ATAD2B: variants seen among roughly 807,000 people sequenced by gnomAD.
The protein encoded by ATAD2B is ATPase family AAA domain containing 2B, also known as ATPase family AAA domain-containing protein 2B.
A neutral mutation model predicts 167.6 loss-of-function variants in ATAD2B; 40 were observed. The ratio of observed to expected loss-of-function variants is 0.24; its 90% confidence interval spans 0.19 to 0.31. ATAD2B has a LOEUF of 0.31. Among genes scored for constraint, ATAD2B ranks in the 10% least tolerant of loss-of-function variants. The probability of loss-of-function intolerance (pLI) is 1.00; values close to 1 mark genes in which losing one functional copy is unlikely to be tolerated. For missense variants in ATAD2B, 1,242 were observed against 1,757.2 expected, an observed-to-expected ratio of 0.71 and a Z score of 5.24; for synonymous variants, 579 against 596.5, an observed-to-expected ratio of 0.97 and a Z score of 0.43.
At chr2:23,879,309 G>GA (rs57720701) in intron 7 of ATAD2B, among the ~76,000 whole-genome samples, 18,074 of 142,130 alleles carry the variant, frequency 0.13, 1,125 homozygotes, top group Middle Eastern at 0.22. Flanking sequence ...TTCAGCAAAA[G>GA]AAAAAAAAAA....
rs569607110 is a variant in ATAD2B, at chr2:23,840,830, A to G, written c.1569-6752T>C. ...AGGATCTCTCCCACAATGATGATCAATTTGACTCTTCTACCTTGTAGTTCT... is the reference window on the plus strand; with the variant it reads ...AGGATCTCTCCCACAATGATGATCAGTTTGACTCTTCTACCTTGTAGTTCT... On this transcript the variant is annotated intron_variant, in intron 13 of 27. Transcript: ENST00000238789. 5.3e-5 allele frequency among the ~76,000 whole-genome samples: 8 copies of G among 152,336 alleles called. No individual in the cohort carries two copies. In the East Asian group the frequency reaches 1.5e-3, roughly 29 times the overall value.
chr2:23,678,969 A>T, the ATAD2B span, among the ~76,000 whole-genome samples: 1 of 151,996 alleles, frequency 6.6e-6, no homozygotes, highest in South Asian at 2.1e-4. Flanking sequence ...GATGAAAAGG[A>T]TTCCAGAGGA....
the ATAD2B span, chr2:23,690,408 C>T: frequency 6.6e-6 from 1 of 152,226 alleles, no homozygotes; most frequent in Non-Finnish European, 1.5e-5. Context: ...CTCTTTCCGC[C>T]CACCCACACA....
At chr2:23,777,368 A>ATATCTG (rs879391725) in intron 22 of ATAD2B, among the ~76,000 whole-genome samples, 1 of 151,798 alleles carries the variant, frequency 6.6e-6, no homozygotes, top group Non-Finnish European at 1.5e-5. Flanking sequence ...ATCTATATCT[A>ATATCTG]TATCTATATC....
rs367677216 is a variant in ATAD2B at position 23,762,278 on chromosome 2, C to T, written c.3325G>A (p.Glu1109Lys). 1.1e-5 allele frequency: 18 copies of T among 1,613,390 alleles called. No individual in the cohort carries two copies. Among genetic ancestry groups the T allele is most frequent in the African/African-American group, 4.0e-5 (3 of 74,846 alleles). The change falls in exon 24 of 28, where the codon GAA (glutamate) becomes AAA (lysine). Residue 1109 changes from glutamate to lysine, a missense_variant. By Grantham distance (56) the Glu-to-Lys change is moderately conservative. This residue lies in a region of ATAD2B where 204 missense variants were observed against 324.0 expected (regional missense o/e 0.63). Coordinates refer to ENST00000238789, the MANE Select transcript of ATAD2B (RefSeq NM_017552.4). ...TGARKTETRVEEAFRHKQRNP... is the reference protein window; with the variant it reads ...TGARKTETRVKEAFRHKQRNP... ...CTTTGTTTGTGCCGAAATGCCTCTT[C>T]GACTCTAGTTTCTGTCTTCCGAGCT...
intron 17 of ATAD2B, among the ~76,000 whole-genome samples, chr2:23,819,224 A>G (rs1687062645): frequency 6.6e-6 from 1 of 152,208 alleles, no homozygotes; most frequent in Admixed American, 6.5e-5. Context: ...TTAGCCAGGT[A>G]CAGTGGCATA....
rs960013827 is a variant in ATAD2B, at chr2:23,825,612, T to C, written c.1820-2043A>G. 3.1e-4 allele frequency among the ~76,000 whole-genome samples: 47 copies of C among 152,226 alleles called. 1 individual carries two copies. The highest frequency in any genetic ancestry group is 1.1e-3 in the African/African-American group (46 of 41,468). On this transcript the variant is annotated intron_variant, in intron 15 of 27. Coordinates refer to ENST00000238789, the MANE Select transcript of ATAD2B (RefSeq NM_017552.4). ...ACAAAGTAATCTAAGTATATGATTA[T>C]AGAATGTGAATTATGTCTTCCATTT...
At chr2:23,884,955 C>T (rs1433470734) in intron 5 of ATAD2B, 82 bp from the exon 6 acceptor site, 5 of 690,440 alleles carry the variant, frequency 7.2e-6, no homozygotes, top group Non-Finnish European at 4.3e-6. Context: ...GACATACCTG[C>T]TCAACAAAAT....
At chr2:23,805,203 T>C (rs1165329559) in intron 18 of ATAD2B, among the ~76,000 whole-genome samples, 1 of 152,058 alleles carries the variant, frequency 6.6e-6, no homozygotes, top group African/African-American at 2.4e-5. Context: ...TTTTTTCATC[T>C]TTAGCTTGCT....
intron 8 of ATAD2B, among the ~76,000 whole-genome samples, chr2:23,873,443 TA>T (rs1190015436): frequency 6.6e-6 from 1 of 152,232 alleles, no homozygotes; most frequent in Non-Finnish European, 1.5e-5. Context: ...GTCCCTTACA[TA>T]AAAATAGTAT....
At chr2:23,811,141 C>T (rs1297403875) in intron 17 of ATAD2B, 2 of 152,276 alleles carry the variant, frequency 1.3e-5, no homozygotes, top group East Asian at 1.9e-4. Flanking sequence ...GCATTAAACT[C>T]CAGTATCATT....
chr2:23,876,689 A>G (rs1441825757), intron 7 of ATAD2B, among the ~76,000 whole-genome samples: 5 of 152,216 alleles, frequency 3.3e-5, no homozygotes, highest in African/African-American at 1.2e-4. Flanking sequence ...TTTTGTGGCA[A>G]TACTATAAAG....
intron 17 of ATAD2B, among the ~76,000 whole-genome samples, chr2:23,819,326 A>C (rs2149616236): frequency 6.6e-6 from 1 of 152,232 alleles, no homozygotes; most frequent in South Asian, 2.1e-4. Context: ...CCCCATCTCT[A>C]CTAAAAATGC....
In ATAD2B at chr2:23,907,409, G is replaced by A. The variant is rs565781346; in HGVS notation, c.217-11439C>T. Among the ~76,000 whole-genome samples the A allele has an allele frequency of 1.5e-3, 221 of 151,926 alleles. 1 individual carries two copies. Among genetic ancestry groups the A allele is most frequent in the Non-Finnish European group, 7.5e-4 (51 of 67,948 alleles). ...TAAAATACCTAGGAATCCAACTTAC[G>A]AGGGATGTGAAGGACCTCTTCAAGG... On this transcript the variant is annotated intron_variant, in intron 1 of 27. Coordinates refer to ENST00000238789, the MANE Select transcript of ATAD2B (RefSeq NM_017552.4).
the ATAD2B span, among the ~76,000 whole-genome samples, chr2:23,733,305 T>G: frequency 6.6e-6 from 1 of 152,212 alleles, no homozygotes; most frequent in African/African-American, 2.4e-5. Context: ...TTTGATACTG[T>G]TGTCCATTTT....
At chr2:23,745,965 G>C (rs1308223216), downstream of ATAD2B, among the ~76,000 whole-genome samples, 1 of 152,208 alleles carries the variant, frequency 6.6e-6, no homozygotes, top group East Asian at 1.9e-4. Context: ...TGTGATGACA[G>C]AGAACTGCCT....
chr2:23,832,315 A>G (rs1274503075), intron 14 of ATAD2B: 2 of 433,900 alleles, frequency 4.6e-6, no homozygotes, highest in Non-Finnish European at 9.5e-6. Context: ...GCCTTTCCAC[A>G]GACCCAGGCT....
At chr2:23,761,183 C>G (rs1204622091) in intron 24 of ATAD2B, among the ~76,000 whole-genome samples, 3 of 152,222 alleles carry the variant, frequency 2.0e-5, no homozygotes, top group Non-Finnish European at 2.9e-5. Flanking sequence ...TAGGCTTAAT[C>G]AGTTTCACGG....
intron 18 of ATAD2B, among the ~76,000 whole-genome samples, chr2:23,809,638 C>T (rs992972523): frequency 5.9e-5 from 9 of 152,136 alleles, no homozygotes; most frequent in African/African-American, 2.2e-4. Context: ...ATTATTCAAA[C>T]ATTTAATGAC....
Sources: gnomAD v4.1 joint callset for allele counts (sites outside exome capture counted in the v4.1 genomes callset) on GRCh38, gnomAD v4.1.1 for gene constraint, gnomAD v4.1.1 regional missense constraint, MANE v1.5 for transcripts, NCBI Gene and HGNC (gene_info 2026-07-23, HGNC 2026-07-21) for gene names.